The following ALAS2 variants were observed in gnomAD, a reference collection of about 807,000 sequenced individuals.
The protein encoded by ALAS2 is 5-aminolevulinate synthase, erythroid-specific, mitochondrial.
In ALAS2, 3 loss-of-function variants were observed where a neutral mutation model predicts 33.7. The observed-to-expected ratio is 0.09, with a 90% CI of 0.04 to 0.23. ALAS2 has a LOEUF of 0.23. ALAS2 is among the 10% of genes least tolerant of loss of function. ALAS2 has a pLI of 1.00. For synonymous variants in ALAS2, 191 were observed against 177.3 expected (o/e 1.08, Z -0.61); for missense variants, 304 against 475.1 (o/e 0.64, Z 3.35).
At chrX:55,024,956 A>G (rs1175643434) in intron 2 of ALAS2, 116 bp from the exon 3 acceptor site, 1 of 978,794 alleles carries the variant, frequency 1.0e-6, no homozygotes, top group East Asian at 3.1e-5. Flanking sequence ...TTGTAGAGAC[A>G]CAGAGATAGA....
Position 55,021,188 on chromosome X carries a change from C to T in ALAS2, c.502G>A (p.Val168Met), listed in dbSNP as rs773436997. 30 of 1,210,144 alleles carry T rather than the reference C, an allele frequency of 2.5e-5. No individual in the cohort carries two copies. The South Asian group carries it at 3.0e-4, about 12-fold the overall frequency. ...GGATATGCATCAGCCCAGCGGTTCA[C>T]AGTCTTGAACACACGGTAGGTGTGA... Reference protein sequence around the residue: ...QDHTYRVFKTVNRWADAYPFA... With the variant: ...QDHTYRVFKTMNRWADAYPFA... Residue 168 changes from valine (V) to methionine (M), a missense_variant, in exon 5 of 11, where the codon GTG (valine) becomes ATG (methionine). Coordinates refer to ENST00000650242, the MANE Select transcript of ALAS2 (RefSeq NM_000032.5).
At chrX:55,011,325 G>A (rs1011398632) in intron 10 of ALAS2, among the ~76,000 whole-genome samples, 1 of 111,873 alleles carries the variant, frequency 8.9e-6, no homozygotes, top group Admixed American at 9.5e-5. Flanking sequence ...CAGTATCAGT[G>A]ATGCTTGATT....
At chrX:55,016,979 A>G (rs1486036347) in intron 7 of ALAS2, among the ~76,000 whole-genome samples, 1 of 112,106 alleles carries the variant, frequency 8.9e-6, no homozygotes, top group Non-Finnish European at 1.9e-5. Context: ...GACCTTGAAA[A>G]AAATCCTAGG....
Position 55,009,285 on chromosome X carries a change from A to G in ALAS2, c.1659T>C (p.Ala553=). ...CAGGACGGCGACAGAAATTGCAGGC[A>G]GCCACAGACACATCCTGGAGGGGCA... ...VGLPLQDVSV[A]ACNFCRRPVH... Residue 553 remains alanine (A), a synonymous_variant, in exon 11 of 11, where the codon GCT becomes GCC. Transcript: ENST00000650242. 8.3e-7 allele frequency: 1 copy of G among 1,205,692 alleles called. No individual in the cohort carries two copies. The highest frequency in any genetic ancestry group is 1.1e-6 in the Non-Finnish European group (1 of 892,578).
intron 8 of ALAS2, 65 bp from the exon 9 acceptor site, chrX:55,015,080 G>T: frequency 1.8e-6 from 2 of 1,137,949 alleles, no homozygotes; most frequent in Non-Finnish European, 2.4e-6. Flanking sequence ...ACAGGATCAT[G>T]TGCCAGATAA....
Position 55,014,887 on chromosome X carries a change from C to T in ALAS2, c.1297G>A (p.Glu433Lys), listed in dbSNP as rs755107298. Residue 433 changes from glutamate (E) to lysine (K), a missense_variant, in exon 9 of 11, where the codon GAA becomes AAA. By Grantham distance (56) the Glu-to-Lys change is moderately conservative. Around this residue, in one of 3 missense-constraint regions of ALAS2, gnomAD observed 138 missense variants for 265.3 expected, o/e 0.52. Transcript: ENST00000650242. ...LPPMVLSGAL[E>K]SVRLLKGEEG... Reference sequence around the variant, plus strand: ...TCTCCCTTGAGCAGCCGCACAGATTCTAGAGCTCCAGAGAGCACCATGGGG... The same window carrying T: ...TCTCCCTTGAGCAGCCGCACAGATTTTAGAGCTCCAGAGAGCACCATGGGG... 2.3e-5 allele frequency: 28 copies of T among 1,206,750 alleles called. No homozygotes were observed. Among genetic ancestry groups the T allele is most frequent in the Non-Finnish European group, 3.1e-5 (28 of 893,416 alleles).
intron 4 of ALAS2, among the ~76,000 whole-genome samples, chrX:55,022,741 A>AACAGACATAGTTAC (rs1935824204): frequency 8.9e-6 from 1 of 111,795 alleles, no homozygotes; most frequent in Non-Finnish European, 1.9e-5. Context: ...CACTGTTTGT[A>AACAGACATAGTTAC]ATAGAAAAAA....
Sources: allele counts gnomAD v4.1 joint callset (sites outside exome capture counted in the v4.1 genomes callset), GRCh38; gene constraint gnomAD v4.1.1; regional missense constraint gnomAD v4.1.1; transcripts MANE v1.5; gene names NCBI Gene and HGNC (gene_info 2026-07-23, HGNC 2026-07-21).